Variants in ZNF385C observed in about 807,000 individuals in gnomAD.
The protein encoded by ZNF385C is CTD-2132N18.2.
A neutral mutation model predicts 35.4 loss-of-function variants in ZNF385C; 28 were observed. The ratio of observed to expected loss-of-function variants is 0.79; its 90% confidence interval spans 0.59 to 1.08. The LOEUF is 1.08. Ranked by LOEUF, ZNF385C falls within the 50% of genes least tolerant of loss-of-function variation. The probability of loss-of-function intolerance (pLI) is 0.00; values close to 1 mark genes in which losing one functional copy is unlikely to be tolerated. For missense variants in ZNF385C, 605 were observed against 595.6 expected, an observed-to-expected ratio of 1.02 and a Z score of -0.16; for synonymous variants, 248 against 248.2, an observed-to-expected ratio of 1.00 and a Z score of 0.01.
chr17:42,030,537 A>G (rs2052703413), intron 5 of ZNF385C, among the ~76,000 whole-genome samples: 1 of 151,946 alleles, frequency 6.6e-6, no homozygotes, highest in South Asian at 2.1e-4. Context: ...AAACAGATAC[A>G]AAAAAACCCC....
intron 2 of ZNF385C, among the ~76,000 whole-genome samples, chr17:42,048,971 A>C (rs2053228751): frequency 1.3e-5 from 2 of 151,572 alleles, no homozygotes; most frequent in African/African-American, 2.4e-5. Flanking sequence ...ATACTGCTTT[A>C]GACCCCTCCA....
chr17:42,057,354 G>A (rs1238893881), intron 2 of ZNF385C, among the ~76,000 whole-genome samples: 5 of 152,182 alleles, frequency 3.3e-5, no homozygotes, highest in African/African-American at 1.2e-4. Flanking sequence ...GTGTGGGGCT[G>A]GGGGTAGGTC....
At chr17:42,055,535 CAAG>C (rs1269912935) in intron 2 of ZNF385C, among the ~76,000 whole-genome samples, 1 of 152,092 alleles carries the variant, frequency 6.6e-6, no homozygotes, top group Admixed American at 6.6e-5. Flanking sequence ...GGTCAGACTG[CAAG>C]AAGAACTTCT....
intron 1 of ZNF385C, among the ~76,000 whole-genome samples, chr17:42,087,070 A>G (rs1392138854): frequency 2.2e-4 from 33 of 152,018 alleles, no homozygotes; most frequent in Admixed American, 2.2e-3. Context: ...TGATCCGCCC[A>G]CCTCAGCCTC....
intron 2 of ZNF385C, among the ~76,000 whole-genome samples, chr17:42,057,497 T>TGC (rs58127530): frequency 0.019 from 873 of 46,840 alleles, 7 homozygotes; most frequent in African/African-American, 0.028. Flanking sequence ...TTTAGGGGTG[T>TGC]GCGCGCGCGC....
chr17:42,085,157 C>T (rs915742408), intron 1 of ZNF385C, among the ~76,000 whole-genome samples: 8 of 151,638 alleles, frequency 5.3e-5, no homozygotes, highest in African/African-American at 1.2e-4. Context: ...ATTAGCCAGG[C>T]GTGGTGGCGT....
intron 1 of ZNF385C, among the ~76,000 whole-genome samples, chr17:42,067,263 T>C (rs782453247): frequency 2.0e-5 from 3 of 152,112 alleles, no homozygotes; most frequent in Non-Finnish European, 2.9e-5. Context: ...TCTTGGACTT[T>C]TAGGATCCAG....
chr17:42,071,973 G>A (rs1196113669), intron 1 of ZNF385C, among the ~76,000 whole-genome samples: 3 of 152,206 alleles, frequency 2.0e-5, no homozygotes, highest in African/African-American at 7.2e-5. Flanking sequence ...TCTGGCCAGG[G>A]GCCCCCCCAT....
chr17:42,080,435 C>T (rs1013859829), intron 1 of ZNF385C, among the ~76,000 whole-genome samples: 2 of 152,238 alleles, frequency 1.3e-5, no homozygotes, highest in Admixed American at 6.5e-5. Context: ...CCTCCCATCC[C>T]AGCCCACTGA....
intron 1 of ZNF385C, among the ~76,000 whole-genome samples, chr17:42,093,175 G>T (rs1228164771): frequency 6.6e-6 from 1 of 152,200 alleles, no homozygotes; most frequent in Non-Finnish European, 1.5e-5. Context: ...CCTCGGCCTG[G>T]GGCAGTTGGC....
intron 2 of ZNF385C, chr17:42,038,118 G>A: frequency 6.6e-7 from 1 of 1,515,080 alleles, no homozygotes; most frequent in South Asian, 1.2e-5. Flanking sequence ...AGCCCAGAGG[G>A]ATGACCCTCC....
chr17:42,083,644 A>G (rs914849015), intron 1 of ZNF385C, among the ~76,000 whole-genome samples: 6 of 151,854 alleles, frequency 4.0e-5, no homozygotes, highest in African/African-American at 1.2e-4. Context: ...ACTTAAAAAA[A>G]ACTAAACTTT....
chr17:42,053,218 C>T (rs4796631), intron 2 of ZNF385C, among the ~76,000 whole-genome samples: 119,102 of 152,104 alleles, frequency 0.78, 47,273 homozygotes, highest in Admixed American at 0.86. Flanking sequence ...CCTCCAGGCC[C>T]TTGCCCCCAA....
At chr17:42,060,215 C>T (rs1007674234) in intron 2 of ZNF385C, among the ~76,000 whole-genome samples, 2 of 152,172 alleles carry the variant, frequency 1.3e-5, no homozygotes, top group Admixed American at 6.5e-5. Context: ...CCCCCACACA[C>T]CCCACATCCC....
At chr17:42,069,289 G>T (rs202029961) in intron 1 of ZNF385C, among the ~76,000 whole-genome samples, 1 of 152,050 alleles carries the variant, frequency 6.6e-6, no homozygotes, top group South Asian at 2.1e-4. Flanking sequence ...GGGGGAGCAC[G>T]CAGGCAGGGC....
At chr17:42,031,908 T>G in intron 4 of ZNF385C, 124 bp from the exon 5 acceptor site, 17 of 1,013,674 alleles carry the variant, frequency 1.7e-5, no homozygotes, top group Non-Finnish European at 2.4e-5. Context: ...AAAGGGCAAG[T>G]CCTTGTCCTT....
At chr17:42,031,507 C>T (rs1309944749) in intron 5 of ZNF385C, 112 bp downstream of exon 5, 17 of 1,342,760 alleles carry the variant, frequency 1.3e-5, no homozygotes, top group Non-Finnish European at 1.6e-5. Context: ...CTTTGCCTGT[C>T]TGTATGGAAT....
intron 2 of ZNF385C, chr17:42,062,520 G>C (rs2053477584): frequency 3.2e-6 from 1 of 308,978 alleles, no homozygotes. Context: ...TGCTGCTTAG[G>C]AGTCCTGATC....
At chr17:42,043,181 C>T in intron 2 of ZNF385C, 1 of 1,232,234 alleles carries the variant, frequency 8.1e-7, no homozygotes, top group Non-Finnish European at 1.0e-6. Flanking sequence ...TCTGTGCCCA[C>T]AGTGAAGGCG....
Sources: gnomAD v4.1 joint callset for allele counts (sites outside exome capture counted in the v4.1 genomes callset) on GRCh38, gnomAD v4.1.1 for gene constraint, MANE v1.5 for transcripts, NCBI Gene and HGNC (gene_info 2026-07-23, HGNC 2026-07-21) for gene names.